Variants in MXI1 observed in about 807,000 individuals in gnomAD.
MXI1 encodes the protein MAX interactor 1, dimerization protein, also known as max-interacting protein 1.
Under a neutral mutation model 36.9 loss-of-function variants are expected in MXI1, and 18 were observed. The ratio of observed to expected loss-of-function variants is 0.49; its 90% CI spans 0.34 to 0.72. MXI1 has a LOEUF of 0.72. Among genes scored for constraint, MXI1 ranks in the 30% least tolerant of loss-of-function variants. The pLI is 0.01. For synonymous variants in MXI1, 160 were observed against 146.7 expected (o/e 1.09, Z -0.65); for missense variants, 304 against 379.1 (o/e 0.80, Z 1.64).
chr10:110,208,740 GC>G (rs34161324), intron 1 of MXI1: 24,003 of 95,364 alleles, frequency 0.25, 2,436 homozygotes, highest in South Asian at 0.39. Flanking sequence ...TGCCACCGCC[GC>G]CCCCCCCCCC....
intron 1 of MXI1, among the ~76,000 whole-genome samples, chr10:110,222,168 A>G (rs945707626): frequency 1.3e-5 from 2 of 152,088 alleles, no homozygotes; most frequent in Admixed American, 1.3e-4. Flanking sequence ...GAGATGGAAA[A>G]ATGTATAACT....
intron 3 of MXI1, among the ~76,000 whole-genome samples, chr10:110,264,007 C>T (rs1337552992): frequency 2.0e-5 from 3 of 152,106 alleles, no homozygotes; most frequent in East Asian, 1.9e-4. Context: ...ATGCTGCTAG[C>T]TACAGAGATT....
intron 1 of MXI1, among the ~76,000 whole-genome samples, chr10:110,211,099 A>T (rs1163752297): frequency 7.1e-6 from 1 of 139,992 alleles, no homozygotes; most frequent in Admixed American, 7.3e-5. Flanking sequence ...TTCGGTCACT[A>T]CTGCAAAAGG....
At position 110,207,683 on chromosome 10, in the gene MXI1, A is replaced by G. The variant is rs988637069; in HGVS notation, c.-126A>G. 17 of 402,680 alleles carry G rather than the reference A, an allele frequency of 4.2e-5. No homozygotes were observed. Among genetic ancestry groups the G allele is most frequent in the African/African-American group, 3.3e-4 (15 of 46,102 alleles). 24.9% of individuals were successfully genotyped at this position (402,680 alleles called of 1,614,324 possible). A position where few individuals can be genotyped will look rare whatever the true frequency, so the allele number is the denominator to read the frequency against. ...CAACTGCAGGCAGCGAGGCTCGGGA[A>G]GTCAGGCCGGCTTTTCGCCCCGGCG... On this transcript the variant is annotated 5_prime_UTR_variant, in exon 1 of 6. Coordinates refer to ENST00000332674, the MANE Select transcript of MXI1 (RefSeq NM_130439.3).
In MXI1 at chr10:110,226,191, G is replaced by T. The variant is rs763592671; in HGVS notation, c.275-1998G>T. The T allele has an allele frequency of 1.4e-5, 20 of 1,467,866 alleles. No homozygotes were observed. In the African/African-American group the frequency reaches 2.6e-4, roughly 19 times the overall value. The allele number at this position is 1,467,866 out of a possible 1,614,324, so 90.9% of individuals were successfully genotyped here. ...CGAGAAGGGAGTGCGGAGAGGCGCC[G>T]GTCGCCACCCGCGGTGCCCATGGAG... On this transcript the variant is annotated intron_variant, in intron 1 of 5. Coordinates refer to ENST00000332674, the MANE Select transcript of MXI1 (RefSeq NM_130439.3).
chr10:110,226,048 TGGGGCGGCA>T (rs553212125), intron 1 of MXI1: 19 of 985,442 alleles, frequency 1.9e-5, no homozygotes, highest in Non-Finnish European at 2.0e-5. Context: ...CTGGCGCGGC[TGGGGCGGCA>T]GGGGCGGCGG....
Position 110,286,591 on chromosome 10 carries a change from T to G in MXI1, c.*1604T>G, listed in dbSNP as rs1354147009. On this transcript the variant is annotated 3_prime_UTR_variant, in exon 6 of 6. Coordinates refer to ENST00000332674, the MANE Select transcript of MXI1 (RefSeq NM_130439.3). ...GTTTTATTTTATGTTTAGATAGGGC[T>G]GGGCAAGGAAAAAGAAAATAAAGAC... is the stretch of plus-strand genomic sequence containing the variant. 2 of 152,554 alleles carry G rather than the reference T, an allele frequency of 1.3e-5. No homozygotes were observed. The highest frequency in any genetic ancestry group is 4.8e-5 in the African/African-American group (2 of 41,440). The allele number at this position is 152,554 out of a possible 1,614,324, so 9.5% of individuals were successfully genotyped here.
intron 2 of MXI1, among the ~76,000 whole-genome samples, chr10:110,242,008 C>G (rs909910135): frequency 1.3e-5 from 2 of 151,952 alleles, no homozygotes; most frequent in Non-Finnish European, 2.9e-5. Flanking sequence ...CTTTCTTTCT[C>G]TAACACCATG....
At chr10:110,263,480 G>C (rs1856584374) in intron 3 of MXI1, among the ~76,000 whole-genome samples, 1 of 152,144 alleles carries the variant, frequency 6.6e-6, no homozygotes, top group African/African-American at 2.4e-5. Context: ...ACAGATGAAA[G>C]TACATTTTTT....
intron 1 of MXI1, chr10:110,208,294 C>G (rs895754782): frequency 1.1e-5 from 5 of 452,382 alleles, no homozygotes; most frequent in African/African-American, 2.1e-5. Flanking sequence ...AGGGGCCTGT[C>G]GGTGCGTCGG....
chr10:110,240,541 G>T (rs988160382), intron 2 of MXI1, among the ~76,000 whole-genome samples: 9 of 151,846 alleles, frequency 5.9e-5, no homozygotes, highest in Non-Finnish European at 7.4e-5. Context: ...TGTACTTTTC[G>T]ATGGAAACAA....
chr10:110,238,826 A>G (rs989858428), intron 2 of MXI1, among the ~76,000 whole-genome samples: 14 of 152,166 alleles, frequency 9.2e-5, no homozygotes, highest in African/African-American at 3.4e-4. Context: ...CATATCATCT[A>G]AGTTATCAAA....
intron 2 of MXI1, among the ~76,000 whole-genome samples, chr10:110,231,372 C>CA (rs34725277): frequency 1.3e-5 from 2 of 150,526 alleles, no homozygotes; most frequent in East Asian, 3.9e-4. Flanking sequence ...ACCCCCCCCC[C>CA]CTCAAAAAAG....
chr10:110,212,405 G>A (rs893627821), intron 1 of MXI1, among the ~76,000 whole-genome samples: 3 of 152,140 alleles, frequency 2.0e-5, no homozygotes, highest in African/African-American at 4.8e-5. Context: ...CTTCACAGTC[G>A]AACCTCTGTG....
At chr10:110,223,085 C>A (rs1276617836) in intron 1 of MXI1, among the ~76,000 whole-genome samples, 1 of 152,208 alleles carries the variant, frequency 6.6e-6, no homozygotes, top group Non-Finnish European at 1.5e-5. Context: ...TCATCTCCCT[C>A]TTGGCCATGG....
Position 110,285,932 on chromosome 10 carries a change from T to C in MXI1, c.*945T>C, listed in dbSNP as rs1412141137. On this transcript the variant is annotated 3_prime_UTR_variant, in exon 6 of 6. Coordinates refer to ENST00000332674, the MANE Select transcript of MXI1 (RefSeq NM_130439.3). ...TGTTGAAAACCAAAATGACATCTTT[T>C]TAAAGCTTATCCATAAAAAAAAATA... 1.3e-5 allele frequency: 2 copies of C among 152,620 alleles called. No individual in the cohort carries two copies. Among genetic ancestry groups the C allele is most frequent in the Non-Finnish European group, 2.9e-5 (2 of 68,040 alleles). The allele number at this position is 152,620 out of a possible 1,614,324, so 9.5% of individuals were successfully genotyped here.
intron 2 of MXI1, among the ~76,000 whole-genome samples, chr10:110,238,954 G>T (rs536876358): frequency 6.6e-6 from 1 of 152,162 alleles, no homozygotes; most frequent in South Asian, 2.1e-4. Context: ...TTTTTGTATT[G>T]TAATTTTTGT....
intron 2 of MXI1, among the ~76,000 whole-genome samples, chr10:110,230,016 C>T (rs183920690): frequency 6.6e-6 from 1 of 152,242 alleles, no homozygotes; most frequent in East Asian, 1.9e-4. Flanking sequence ...AAATAAGATG[C>T]ATTAGAGTCT....
At chr10:110,216,143 T>C (rs1193589872) in intron 1 of MXI1, among the ~76,000 whole-genome samples, 1 of 152,232 alleles carries the variant, frequency 6.6e-6, no homozygotes, top group Non-Finnish European at 1.5e-5. Flanking sequence ...GCTGGGCCCC[T>C]TGCTTATGAA....
Sources: gnomAD v4.1 joint callset for allele counts (sites outside exome capture counted in the v4.1 genomes callset) on GRCh38, gnomAD v4.1.1 for gene constraint, MANE v1.5 for transcripts, NCBI Gene and HGNC (gene_info 2026-07-23, HGNC 2026-07-21) for gene names.